ERC1: variants seen among roughly 807,000 people sequenced by gnomAD.
ERC1 encodes ELKS/RAB6-interacting/CAST family member 1, also known as RAB6 interacting protein 2.
Under a neutral mutation model 132.0 loss-of-function variants are expected in ERC1, and 56 were observed. That is an observed-to-expected ratio of 0.42 (90% CI 0.34 to 0.53). The LOEUF is 0.53. Ranked by LOEUF, ERC1 falls within the 20% of genes least tolerant of loss-of-function variation. The pLI, the probability that ERC1 is intolerant of heterozygous loss-of-function variation, is 0.03. For missense variants in ERC1, 1,202 were observed against 1,349.9 expected (o/e 0.89, Z 1.72); for synonymous variants, 478 against 476.1 (o/e 1.00, Z -0.05).
intron 12 of ERC1, among the ~76,000 whole-genome samples, chr12:1,211,066 A>G (rs965284505): frequency 6.6e-6 from 1 of 152,200 alleles, no homozygotes; most frequent in Non-Finnish European, 1.5e-5. Flanking sequence ...TCTATATTCA[A>G]AAATCACTTA....
intron 15 of ERC1, among the ~76,000 whole-genome samples, chr12:1,339,573 A>G (rs570320614): frequency 6.5e-4 from 78 of 119,462 alleles, no homozygotes; most frequent in South Asian, 1.2e-3. Context: ...TCAGCTGGAC[A>G]ACTGTGACAG....
chr12:1,257,446 A>C (rs979959799), intron 13 of ERC1, among the ~76,000 whole-genome samples: 1 of 152,204 alleles, frequency 6.6e-6, no homozygotes, highest in African/African-American at 2.4e-5. Flanking sequence ...CAGATATTTT[A>C]TATTTTTAGT....
chr12:1,254,671 C>T (rs1031862042), intron 13 of ERC1, among the ~76,000 whole-genome samples: 1 of 151,982 alleles, frequency 6.6e-6, no homozygotes, highest in Non-Finnish European at 1.5e-5. Flanking sequence ...GCATCACCAC[C>T]CAGGATAATT....
intron 8 of ERC1, among the ~76,000 whole-genome samples, chr12:1,177,306 T>C (rs1021603656): frequency 5.3e-5 from 8 of 152,242 alleles, no homozygotes; most frequent in Admixed American, 1.3e-4. Context: ...AGGCCTAGCT[T>C]TCAGCCTGTC....
At chr12:1,190,441 T>G (rs1490656430) in intron 12 of ERC1, among the ~76,000 whole-genome samples, 1 of 152,240 alleles carries the variant, frequency 6.6e-6, no homozygotes, top group African/African-American at 2.4e-5. Context: ...AGACCTTTGT[T>G]GTTGAGCTAA....
chr12:1,341,066 T>TCTC (rs2083803685), intron 15 of ERC1, among the ~76,000 whole-genome samples: 1 of 96,540 alleles, frequency 1.0e-5, no homozygotes, highest in Admixed American at 1.2e-4. Context: ...TTCTTTTCTT[T>TCTC]TTCTTTTTTT....
intron 12 of ERC1, among the ~76,000 whole-genome samples, chr12:1,201,465 G>GT (rs1241537536): frequency 5.3e-5 from 8 of 152,252 alleles, no homozygotes; most frequent in Admixed American, 5.2e-4. Flanking sequence ...TAGTAACCAA[G>GT]TGAATGTATT....
At chr12:1,150,520 A>G (rs1376591126) in intron 8 of ERC1, among the ~76,000 whole-genome samples, 1 of 152,222 alleles carries the variant, frequency 6.6e-6, no homozygotes, top group Non-Finnish European at 1.5e-5. Context: ...TTATTTTTGA[A>G]TCATGATATT....
rs139918423 is a variant in ERC1 at position 1,355,759 on chromosome 12, C to T, written c.2781-16074C>T. ...GGTATTTTGGGAAACTGAATTCACT[C>T]TACGAGGTGGGCACCAGTGAACCAC... On this transcript the variant is annotated intron_variant, in intron 15 of 18. Coordinates refer to ENST00000360905, the MANE Select transcript of ERC1 (RefSeq NM_178040.4). Among the ~76,000 whole-genome samples, 478 of 152,296 alleles carry T rather than the reference C, an allele frequency of 3.1e-3. 1 individual carries two copies. Among genetic ancestry groups the T allele is most frequent in the African/African-American group, 0.011 (449 of 41,548 alleles).
In ERC1 at chr12:1,490,325, A is replaced by G. The variant is rs544979308; in HGVS notation, c.*95A>G. On this transcript the variant is annotated 3_prime_UTR_variant, in exon 19 of 19. Transcript: ENST00000360905. ...GCCCGGAACCTTCTTGGCACCAAAC[A>G]CTACAAACTTCATCCCAACTTGCTC... is the stretch of plus-strand genomic sequence containing the variant. The G allele has an allele frequency of 5.8e-5, 72 of 1,234,608 alleles. No homozygotes were observed. In the African/African-American group the frequency reaches 9.5e-4, roughly 16 times the overall value. The allele number at this position is 1,234,608 out of a possible 1,614,324, so 76.5% of individuals were successfully genotyped here.
At chr12:1,218,081 C>T (rs1185727727) in intron 12 of ERC1, among the ~76,000 whole-genome samples, 1 of 152,182 alleles carries the variant, frequency 6.6e-6, no homozygotes, top group East Asian at 1.9e-4. Context: ...GTTCTCTTAT[C>T]AAATCTGCAA....
In ERC1 at chr12:1,281,857, C is replaced by T. The variant is rs370405093; in HGVS notation, c.2620-7995C>T. Reference sequence around the variant, plus strand: ...AATTGGCAGTGATGAAACACTGGCCCGTCTTAGCCTCTTTCTAACATCAGT... The same window carrying T: ...AATTGGCAGTGATGAAACACTGGCCTGTCTTAGCCTCTTTCTAACATCAGT... On this transcript the variant is annotated intron_variant, in intron 14 of 18. Transcript: ENST00000360905. Among the ~76,000 whole-genome samples the T allele has an allele frequency of 3.9e-5, 6 of 152,220 alleles. No homozygotes were observed. The South Asian group carries it at 1.0e-3, about 26-fold the overall frequency.
intron 14 of ERC1, among the ~76,000 whole-genome samples, chr12:1,283,658 A>G (rs2078841708): frequency 6.6e-6 from 1 of 152,254 alleles, no homozygotes; most frequent in Admixed American, 6.5e-5. Context: ...ATATATGTAT[A>G]ATCTGAGGCA....
intron 18 of ERC1, among the ~76,000 whole-genome samples, chr12:1,454,051 C>T (rs1050002458): frequency 6.6e-6 from 1 of 152,094 alleles, no homozygotes; most frequent in Non-Finnish European, 1.5e-5. Context: ...CCAGCCCACA[C>T]CCCAGCCTCT....
At chr12:1,010,510 ATTTT>A (rs71055123) in intron 1 of ERC1, among the ~76,000 whole-genome samples, 1 of 118,378 alleles carries the variant, frequency 8.4e-6, no homozygotes, top group Non-Finnish European at 1.7e-5. Flanking sequence ...AGGAAATATG[ATTTT>A]TTTTTTTTTT....
intron 2 of ERC1, among the ~76,000 whole-genome samples, chr12:1,081,725 AC>A (rs1942223840): frequency 1.3e-5 from 2 of 152,204 alleles, no homozygotes; most frequent in Admixed American, 1.3e-4. Flanking sequence ...TTACTAATCA[AC>A]AGGAATATAA....
intron 13 of ERC1, among the ~76,000 whole-genome samples, chr12:1,255,768 G>T (rs1197956319): frequency 6.6e-6 from 1 of 151,192 alleles, no homozygotes; most frequent in Non-Finnish European, 1.5e-5. Context: ...GAGTAGCTGG[G>T]ACTACAGGCA....
chr12:1,108,962 G>C (rs765209734), intron 4 of ERC1, among the ~76,000 whole-genome samples: 1 of 152,110 alleles, frequency 6.6e-6, no homozygotes, highest in South Asian at 2.1e-4. Flanking sequence ...AAATTATTGA[G>C]GTAAAGTAGA....
intron 14 of ERC1, among the ~76,000 whole-genome samples, chr12:1,276,592 C>T (rs1012342972): frequency 6.6e-6 from 1 of 150,928 alleles, no homozygotes; most frequent in Non-Finnish European, 1.5e-5. Flanking sequence ...TTTTTAATAA[C>T]ACTGCATTAT....
Sources: allele counts gnomAD v4.1 joint callset (sites outside exome capture counted in the v4.1 genomes callset), GRCh38; gene constraint gnomAD v4.1.1; transcripts MANE v1.5; gene names NCBI Gene and HGNC (gene_info 2026-07-23, HGNC 2026-07-21).